IMMP1L: variants seen among roughly 807,000 people sequenced by gnomAD.
IMMP1L encodes inner mitochondrial membrane peptidase subunit 1.
In IMMP1L, 24 loss-of-function variants were observed where a neutral mutation model predicts 21.8. The observed-to-expected ratio is 1.10, with a 90% CI of 0.80 to 1.55. The LOEUF (loss-of-function observed/expected upper bound fraction) is 1.55. Ranked by LOEUF, IMMP1L falls within the 40% of genes most tolerant of loss-of-function variation. The pLI is 0.00. For missense variants in IMMP1L, 195 were observed against 200.7 expected (o/e 0.97, Z 0.17); for synonymous variants, 46 against 62.8 (o/e 0.73, Z 1.26).
intron 1 of IMMP1L, among the ~76,000 whole-genome samples, chr11:31,480,588 T>C (rs1954862041): frequency 6.6e-6 from 1 of 152,056 alleles, no homozygotes; most frequent in Non-Finnish European, 1.5e-5. Flanking sequence ...ATAATATCTA[T>C]CTGTAATACT....
intron 1 of IMMP1L, among the ~76,000 whole-genome samples, chr11:31,471,290 T>C (rs1954542557): frequency 6.6e-6 from 1 of 152,174 alleles, no homozygotes; most frequent in Non-Finnish European, 1.5e-5. Context: ...GATAAGGCCC[T>C]AGACCTCAAT....
chr11:31,472,209 G>A (rs541654522), intron 1 of IMMP1L, among the ~76,000 whole-genome samples: 1 of 152,334 alleles, frequency 6.6e-6, no homozygotes, highest in Non-Finnish European at 1.5e-5. Context: ...AGGTTCTGGA[G>A]ATTAGGATGC....
chr11:31,456,903 A>AAAC (rs1953962484), intron 3 of IMMP1L, among the ~76,000 whole-genome samples: 1 of 128,396 alleles, frequency 7.8e-6, no homozygotes, highest in Non-Finnish European at 1.6e-5. Context: ...AAAAAAAAAA[A>AAAC]CCACACACAC....
intron 4 of IMMP1L, among the ~76,000 whole-genome samples, chr11:31,449,858 A>C (rs1204954414): frequency 6.6e-6 from 1 of 152,184 alleles, no homozygotes; most frequent in Non-Finnish European, 1.5e-5. Flanking sequence ...TAAAAGTAAA[A>C]ACATGATTTT....
chr11:31,471,758 G>A (rs1316440284), intron 1 of IMMP1L, among the ~76,000 whole-genome samples: 1 of 152,084 alleles, frequency 6.6e-6, no homozygotes, highest in Non-Finnish European at 1.5e-5. Context: ...ACTGGTAAAC[G>A]GAACTGGTTA....
At position 31,451,091 on chromosome 11, in the gene IMMP1L, T is replaced by A. The variant is rs527629962; in HGVS notation, c.321+5169A>T. 3.9e-5 allele frequency among the ~76,000 whole-genome samples: 6 copies of A among 152,264 alleles called. No homozygotes were observed. The South Asian group carries it at 1.2e-3, about 32-fold the overall frequency. On this transcript the variant is annotated intron_variant, in intron 4 of 5. Coordinates refer to ENST00000532287, the MANE Select transcript of IMMP1L (RefSeq NM_001304274.2). ...CAAACACAGACAACAGATAAATGAA[T>A]GGGCATTATTGTGTTCCAATGACAC...
At chr11:31,497,962 C>T (rs975662383) in intron 1 of IMMP1L, among the ~76,000 whole-genome samples, 2 of 152,106 alleles carry the variant, frequency 1.3e-5, no homozygotes, top group Non-Finnish European at 2.9e-5. Context: ...ACAAATACTT[C>T]AGTTAGAAAA....
At chr11:31,477,423 G>T in intron 1 of IMMP1L, 1 of 412,796 alleles carries the variant, frequency 2.4e-6, no homozygotes, top group Non-Finnish European at 3.3e-6. Flanking sequence ...TATATGTCTT[G>T]CATAATTTTA....
At chr11:31,447,007 C>T (rs563620457) in intron 4 of IMMP1L, among the ~76,000 whole-genome samples, 4 of 152,156 alleles carry the variant, frequency 2.6e-5, no homozygotes, top group Non-Finnish European at 5.9e-5. Flanking sequence ...CCATGTGTGC[C>T]TAGTGGCTAC....
At chr11:31,434,589 G>A (rs756050284) in intron 4 of IMMP1L, among the ~76,000 whole-genome samples, 46 of 152,012 alleles carry the variant, frequency 3.0e-4, no homozygotes, top group Non-Finnish European at 5.4e-4. Flanking sequence ...TTTAATAAGA[G>A]ATAATGCAAC....
intron 5 of IMMP1L, 69 bp downstream of exon 5, chr11:31,433,391 G>C: frequency 1.1e-6 from 1 of 884,698 alleles, no homozygotes; most frequent in Non-Finnish European, 1.8e-6. Context: ...GAAGATTTCA[G>C]AGATCATTTT....
chr11:31,442,884 T>G (rs902991965), intron 4 of IMMP1L, among the ~76,000 whole-genome samples: 3 of 152,334 alleles, frequency 2.0e-5, no homozygotes, highest in Middle Eastern at 3.4e-3. Context: ...AACGATACTC[T>G]AGTCTCAAAA....
chr11:31,469,425 TACACA>T (rs1160711197), intron 1 of IMMP1L, among the ~76,000 whole-genome samples: 5 of 152,106 alleles, frequency 3.3e-5, no homozygotes, highest in Non-Finnish European at 4.4e-5. Context: ...ATGGAAATTA[TACACA>T]ACACAATACT....
rs538229582 is a variant in IMMP1L, at chr11:31,441,103, A to ATATT, written c.322-7537_322-7534dup. On this transcript the variant is annotated intron_variant, in intron 4 of 5. Coordinates refer to ENST00000532287, the MANE Select transcript of IMMP1L (RefSeq NM_001304274.2). ...TATAACTGTAAAATTTTTAAAATAT[A>ATATT]TATTTCAAAATATACATTTTTATGA... is the stretch of plus-strand genomic sequence containing the variant. 5.3e-5 allele frequency among the ~76,000 whole-genome samples: 8 copies of ATATT among 152,320 alleles called. No homozygotes were observed. In the South Asian group the frequency reaches 1.7e-3, roughly 32 times the overall value.
At chr11:31,488,407 T>C (rs373978761) in intron 1 of IMMP1L, among the ~76,000 whole-genome samples, 1 of 151,928 alleles carries the variant, frequency 6.6e-6, no homozygotes, top group Non-Finnish European at 1.5e-5. Flanking sequence ...TTGGAAAAAA[T>C]GACTTAAAAA....
At position 31,491,252 on chromosome 11, in the gene IMMP1L, A is replaced by G. The variant is rs1037711298; in HGVS notation, c.-30+18267T>C. ...AATTTTTGGTAGAAAAAGAAATCTT[A>G]AGAGAACTCTGCTAATGGCTCAGAA... On this transcript the variant is annotated intron_variant, in intron 1 of 5. Coordinates refer to ENST00000532287, the MANE Select transcript of IMMP1L (RefSeq NM_001304274.2). Among the ~76,000 whole-genome samples the G allele has an allele frequency of 2.0e-5, 3 of 152,218 alleles. No individual in the cohort carries two copies. In the South Asian group the frequency reaches 6.2e-4, roughly 31 times the overall value.
At chr11:31,447,782 T>C (rs1369120128) in intron 4 of IMMP1L, among the ~76,000 whole-genome samples, 2 of 152,250 alleles carry the variant, frequency 1.3e-5, no homozygotes, top group Admixed American at 6.5e-5. Flanking sequence ...TTTTATAATA[T>C]GCATACCTGC....
intron 4 of IMMP1L, among the ~76,000 whole-genome samples, chr11:31,435,422 C>A (rs1254371409): frequency 6.6e-6 from 1 of 152,170 alleles, no homozygotes; most frequent in African/African-American, 2.4e-5. Context: ...CTATTTTATA[C>A]CAGAATAAAC....
intron 1 of IMMP1L, among the ~76,000 whole-genome samples, chr11:31,493,800 C>G (rs1399169357): frequency 6.6e-6 from 1 of 152,184 alleles, no homozygotes; most frequent in Non-Finnish European, 1.5e-5. Context: ...GCTGTGGGCC[C>G]CATACAAGTC....
Sources: gnomAD v4.1 joint callset for allele counts (sites outside exome capture counted in the v4.1 genomes callset) on GRCh38, gnomAD v4.1.1 for gene constraint, MANE v1.5 for transcripts, NCBI Gene and HGNC (gene_info 2026-07-23, HGNC 2026-07-21) for gene names.